The following ANKRD20A1 variants were observed in gnomAD, a reference collection of about 807,000 sequenced individuals.
The protein encoded by ANKRD20A1 is ankyrin repeat domain-containing protein 20A1.
A neutral mutation model predicts 50.9 loss-of-function variants in ANKRD20A1; 2 were observed. The observed-to-expected ratio is 0.04, with a 90% confidence interval of 0.02 to 0.12. The LOEUF (loss-of-function observed/expected upper bound fraction) is 0.12. ANKRD20A1 is among the 10% of genes least tolerant of loss of function. ANKRD20A1 has a pLI of 1.00. For missense variants in ANKRD20A1, 31 were observed against 548.1 expected (o/e 0.06, Z 9.42); for synonymous variants, 10 against 186.2 (o/e 0.05, Z 7.70).
chr9:67,881,191 A>G (rs1327186978), intron 8 of ANKRD20A1, among the ~76,000 whole-genome samples: 1 of 148,420 alleles, frequency 6.7e-6, no homozygotes, highest in Non-Finnish European at 1.5e-5. Context: ...AGGCAGGAAG[A>G]TTGCTTGAAC....
intron 9 of ANKRD20A1, among the ~76,000 whole-genome samples, chr9:67,884,832 G>T (rs1156932054): frequency 1.3e-5 from 2 of 151,360 alleles, no homozygotes; most frequent in African/African-American, 4.8e-5. Context: ...GGGGCTTGCA[G>T]TGAGCGGAGA....
At chr9:67,885,748 G>A (rs4487904) in intron 9 of ANKRD20A1, among the ~76,000 whole-genome samples, 1 of 152,298 alleles carries the variant, frequency 6.6e-6, no homozygotes, top group African/African-American at 2.4e-5. Context: ...ATGAGTTGAG[G>A]AGCTTCTGGA....
intron 3 of ANKRD20A1, among the ~76,000 whole-genome samples, chr9:67,867,017 A>G (rs28631988): frequency 1.1e-3 from 21 of 18,446 alleles, no homozygotes; most frequent in East Asian, 9.2e-3. Flanking sequence ...TTATCAAAGC[A>G]AGGATTCTTG....
intron 6 of ANKRD20A1, among the ~76,000 whole-genome samples, chr9:67,876,708 GT>G (rs1277532785): frequency 6.7e-6 from 1 of 148,334 alleles, no homozygotes; most frequent in East Asian, 2.1e-4. Context: ...AAGGATTCCT[GT>G]TTCTGGTCTG....
Position 67,859,144 on chromosome 9 carries a change from G to T in ANKRD20A1, c.-283G>T. ...TTCTGGGAGCTCGGCAGCAACTGCCGTGCAGGCGCGCGCCCAACGGCTTTG... is the reference window on the plus strand; with the variant it reads ...TTCTGGGAGCTCGGCAGCAACTGCCTTGCAGGCGCGCGCCCAACGGCTTTG... On this transcript the variant is annotated 5_prime_UTR_variant, in exon 1 of 15. Transcript: ENST00000562196. 2 of 110,830 alleles carry T rather than the reference G, an allele frequency of 1.8e-5. 1 individual carries two copies. Among genetic ancestry groups the T allele is most frequent in the Non-Finnish European group, 2.7e-5 (2 of 75,152 alleles). 6.9% of individuals were successfully genotyped at this position (110,830 alleles called of 1,614,324 possible).
rs934366698 is a variant in ANKRD20A1 at position 67,872,141 on chromosome 9, CA to C, written c.793+931del. The stretch of plus-strand genomic sequence containing the variant: ...ACTATCTTTAGAACCAGGAACTCAG[CA>C]ATCCCTTTCTGGTACCATAAGTAAA... On this transcript the variant is annotated intron_variant, in intron 6 of 14. Transcript: ENST00000562196. Among the ~76,000 whole-genome samples, 13 of 76,658 alleles carry C rather than the reference CA, an allele frequency of 1.7e-4. 4 individuals are homozygous for C. Among genetic ancestry groups the C allele is most frequent in the Admixed American group, 7.6e-4 (5 of 6,600 alleles). The allele number at this position is 76,658 out of a possible 152,430, so 50.3% of individuals were successfully genotyped here.
chr9:67,884,749 G>T (rs1354756541), intron 9 of ANKRD20A1, among the ~76,000 whole-genome samples, 179 bp downstream of exon 9: 1 of 150,604 alleles, frequency 6.6e-6, no homozygotes, highest in African/African-American at 2.4e-5. Context: ...AACTAGCCAG[G>T]TGTTGTTGTG....
At chr9:67,867,024 C>G (rs1269566809) in intron 3 of ANKRD20A1, among the ~76,000 whole-genome samples, 1 of 21,976 alleles carries the variant, frequency 4.6e-5, no homozygotes, top group Non-Finnish European at 9.6e-5. Flanking sequence ...AGCAAGGATT[C>G]TTGGGACTAG....
chr9:67,881,221 C>T (rs1255728430), intron 8 of ANKRD20A1, among the ~76,000 whole-genome samples: 2 of 144,790 alleles, frequency 1.4e-5, no homozygotes, highest in African/African-American at 4.9e-5. Flanking sequence ...TGAGAACAGC[C>T]TGGGCAACAT....
chr9:67,871,366 T>C lies in ANKRD20A1; in HGVS notation c.793+154T>C, dbSNP rs1483429764. Among the ~76,000 whole-genome samples, 7 of 136,944 alleles carry C rather than the reference T, an allele frequency of 5.1e-5. 1 individual carries two copies. The highest frequency in any genetic ancestry group is 9.7e-5 in the Non-Finnish European group (6 of 62,056). 89.8% of individuals were successfully genotyped at this position (136,944 alleles called of 152,430 possible). A position where few individuals can be genotyped will look rare whatever the true frequency, so the allele number is the denominator to read the frequency against. ...GAATGTGTATATATGTATATACATA[T>C]GTAAATTAATTTTTAAAATTTAACT... On this transcript the variant is annotated intron_variant, in intron 6 of 14. Coordinates refer to ENST00000562196, the MANE Select transcript of ANKRD20A1 (RefSeq NM_032250.5).
In ANKRD20A1 at chr9:67,884,541, G is replaced by A. The variant is rs763855021; in HGVS notation, c.950G>A (p.Gly317Glu). The A allele has an allele frequency of 1.3e-4, 206 of 1,591,716 alleles. 4 individuals are homozygous for A. Among genetic ancestry groups the A allele is most frequent in the Non-Finnish European group, 1.6e-4 (191 of 1,178,456 alleles). ...EPLPGSSHEK[G>E]NRIVNGQGEG... ...TTACCTGGATCTTCGCATGAAAAAG[G>A]AAACAGAATAGTCAATGGACAAGGA... Residue 317 changes from glycine (G) to glutamate (E), a missense_variant, in exon 9 of 15, where the codon GGA (glycine) becomes GAA (glutamate). Gly to Glu is a moderately conservative substitution (Grantham distance 98, BLOSUM62 -2). Coordinates refer to ENST00000562196, the MANE Select transcript of ANKRD20A1 (RefSeq NM_032250.5).
chr9:67,863,660 CTTT>C (rs372228480), intron 3 of ANKRD20A1, among the ~76,000 whole-genome samples: 1 of 24,174 alleles, frequency 4.1e-5, no homozygotes, highest in Admixed American at 3.2e-4. Flanking sequence ...CAGGCTTATT[CTTT>C]TTTTTTTTTT....
rs1827900115 is a variant in ANKRD20A1, at chr9:67,888,014, GAC to G, written c.1081+550_1081+551del. Among the ~76,000 whole-genome samples the G allele has an allele frequency of 3.2e-5, 2 of 63,360 alleles. 1 individual carries two copies. Among genetic ancestry groups the G allele is most frequent in the African/African-American group, 9.7e-5 (2 of 20,642 alleles). 41.6% of individuals were successfully genotyped at this position (63,360 alleles called of 152,430 possible). On this transcript the variant is annotated intron_variant, in intron 11 of 14. Transcript: ENST00000562196. ...AGTAATGATTCATTTATAACTGATA[GAC>G]ACAGTCTTTTAAAATGGTGATTTTG...
chr9:67,894,735 C>A (rs1827991283), intron 12 of ANKRD20A1, among the ~76,000 whole-genome samples: 2 of 64,104 alleles, frequency 3.1e-5, no homozygotes, highest in African/African-American at 9.2e-5. Context: ...ACAAAACAAG[C>A]AAATTTGTTT....
intron 9 of ANKRD20A1, 146 bp downstream of exon 9, chr9:67,884,716 C>G: frequency 1.5e-6 from 1 of 680,558 alleles, no homozygotes; most frequent in Non-Finnish European, 2.4e-6. Flanking sequence ...TGGTGAAACC[C>G]CATCTCTACT....
intron 6 of ANKRD20A1, among the ~76,000 whole-genome samples, chr9:67,871,939 A>G (rs1320654012): frequency 2.3e-5 from 3 of 127,848 alleles, no homozygotes; most frequent in East Asian, 5.3e-4. Flanking sequence ...AGTCCTGACA[A>G]AGGTCTTCAT....
intron 7 of ANKRD20A1, among the ~76,000 whole-genome samples, chr9:67,878,863 G>T (rs559059688): frequency 9.4e-5 from 7 of 74,804 alleles, no homozygotes; most frequent in African/African-American, 2.3e-4. Flanking sequence ...TGGGTAGAAT[G>T]AGAATGGAAT....
At chr9:67,883,132 A>G (rs1827826445) in intron 8 of ANKRD20A1, among the ~76,000 whole-genome samples, 1 of 151,692 alleles carries the variant, frequency 6.6e-6, no homozygotes, top group African/African-American at 2.4e-5. Flanking sequence ...CATGATTTAT[A>G]ATCCTTTGGG....
rs112979015 is a variant in ANKRD20A1, at chr9:67,895,831, T to G, written c.1153-1728T>G. Among the ~76,000 whole-genome samples the G allele has an allele frequency of 1.2e-4, 10 of 85,692 alleles. 2 individuals carry two copies. The highest frequency in any genetic ancestry group is 2.1e-4 in the African/African-American group (6 of 28,438). The allele number at this position is 85,692 out of a possible 152,430, so 56.2% of individuals were successfully genotyped here. On this transcript the variant is annotated intron_variant, in intron 12 of 14. Transcript: ENST00000562196. ...AAAAGACAGAGGTTCACTTGCTGCT[T>G]CTTTTTCCTCTTTATCAATTATTTG...
Sources: gnomAD v4.1 joint callset for allele counts (sites outside exome capture counted in the v4.1 genomes callset) on GRCh38, gnomAD v4.1.1 for gene constraint, MANE v1.5 for transcripts, NCBI Gene and HGNC (gene_info 2026-07-23, HGNC 2026-07-21) for gene names.